Variants in PARP4 observed in about 807,000 individuals in gnomAD.
PARP4 encodes the protein poly(ADP-ribose) polymerase family member 4.
A neutral mutation model predicts 187.7 loss-of-function variants in PARP4; 120 were observed. That is an observed-to-expected ratio of 0.64 (90% CI 0.55 to 0.74). The LOEUF is 0.74. Ranked by LOEUF, PARP4 falls within the 30% of genes least tolerant of loss-of-function variation. PARP4 has a pLI of 0.00. For missense variants in PARP4, 1,836 were observed against 2,070.5 expected (o/e 0.89, Z 2.20); for synonymous variants, 654 against 740.9 (o/e 0.88, Z 1.90).
chr13:24,472,901 T>C (rs1343024926), intron 15 of PARP4, among the ~76,000 whole-genome samples: 1 of 150,038 alleles, frequency 6.7e-6, no homozygotes, highest in East Asian at 1.9e-4. Flanking sequence ...GTTTTTTTTT[T>C]TTTTTTTTTT....
chr13:24,499,663 A>G (rs577222266), intron 4 of PARP4, among the ~76,000 whole-genome samples: 1 of 152,312 alleles, frequency 6.6e-6, no homozygotes, highest in South Asian at 2.1e-4. Context: ...AGAGGCAGAA[A>G]GAAGTGGGCC....
chr13:24,490,188 T>G (rs762219467), intron 10 of PARP4, among the ~76,000 whole-genome samples: 25 of 152,146 alleles, frequency 1.6e-4, no homozygotes, highest in Non-Finnish European at 2.8e-4. Flanking sequence ...TCATGTTTGT[T>G]GTTACTGGAG....
In PARP4 at chr13:24,493,580, C is replaced by T. The variant is rs200721869; in HGVS notation, c.879+16G>A. On this transcript the variant is annotated intron_variant, in intron 8 of 33. Coordinates refer to ENST00000381989, the MANE Select transcript of PARP4 (RefSeq NM_006437.4). ...GCAGATTTTTCACATTCTGTTTCAG[C>T]GACACACCAACTTACATCGTTGAGG... 401 of 1,590,736 alleles carry T rather than the reference C, an allele frequency of 2.5e-4. 2 individuals are homozygous for T. Among genetic ancestry groups the T allele is most frequent in the Middle Eastern group, 3.3e-4 (2 of 5,982 alleles).
At chr13:24,511,404 T>A (rs1870012895) in intron 1 of PARP4, among the ~76,000 whole-genome samples, 1 of 152,194 alleles carries the variant, frequency 6.6e-6, no homozygotes, top group Admixed American at 6.5e-5. Flanking sequence ...GGTTATTCTC[T>A]AAGGCAAATC....
chr13:24,465,967 T>C (rs1872444146), intron 17 of PARP4, among the ~76,000 whole-genome samples: 1 of 152,222 alleles, frequency 6.6e-6, no homozygotes, highest in African/African-American at 2.4e-5. Context: ...CTGTATGTGG[T>C]AAGTTACAGA....
chr13:24,491,775 C>T (rs1159752592), intron 9 of PARP4, among the ~76,000 whole-genome samples: 1 of 152,224 alleles, frequency 6.6e-6, no homozygotes, highest in East Asian at 1.9e-4. Flanking sequence ...TTCTGAGCAG[C>T]CACAGTGGCT....
rs368985008 is a variant in PARP4, at chr13:24,493,759, C to T, written c.742-26G>A. 75 of 1,610,652 alleles carry T rather than the reference C, an allele frequency of 4.7e-5. No homozygotes were observed. In the African/African-American group the frequency reaches 8.2e-4, roughly 18 times the overall value. On this transcript the variant is annotated intron_variant, in intron 7 of 33. Transcript: ENST00000381989. ...CTACAATAATAAAATAGAAATGCCA[C>T]CAAAAAGTCATCATGTGTGAGTTTG...
intron 24 of PARP4, 48 bp downstream of exon 24, chr13:24,452,358 C>T (rs1402571882): frequency 8.8e-6 from 13 of 1,474,404 alleles, no homozygotes; most frequent in South Asian, 1.3e-5. Context: ...GGCAACAAGA[C>T]GACCTCCCCG....
chr13:24,425,161 C>T (rs1296118172), intron 33 of PARP4, among the ~76,000 whole-genome samples: 3 of 152,016 alleles, frequency 2.0e-5, no homozygotes, highest in Admixed American at 6.5e-5. Context: ...ATTAGCAGGG[C>T]GTGGTGGTGC....
chr13:24,422,179 G>A (rs1593578186), intron 33 of PARP4, among the ~76,000 whole-genome samples: 1 of 152,154 alleles, frequency 6.6e-6, no homozygotes, highest in East Asian at 1.9e-4. Context: ...TCAACACTGG[G>A]AATCTCAGTT....
At chr13:24,501,890 GA>G (rs1184576712) in intron 2 of PARP4, 56 bp from the exon 3 acceptor site, 1 of 1,019,964 alleles carries the variant, frequency 9.8e-7, no homozygotes, top group Non-Finnish European at 1.5e-6. Context: ...ATTTAAATAA[GA>G]TATTTGTATC....
chr13:24,475,334 G>C (rs1422556847), intron 15 of PARP4, 138 bp downstream of exon 15: 5 of 803,404 alleles, frequency 6.2e-6, no homozygotes, highest in Non-Finnish European at 1.0e-5. Context: ...CTGGCATGGA[G>C]TGCTCAGTGA....
At position 24,477,736 on chromosome 13, in the gene PARP4, T is replaced by G; in HGVS notation, c.1754A>C (p.Tyr585Ser). 23 of 1,591,450 alleles carry G rather than the reference T, an allele frequency of 1.4e-5. No homozygotes were observed. The highest frequency in any genetic ancestry group is 2.0e-5 in the Non-Finnish European group (23 of 1,167,966). ...HPSDHTELEE[Y>S]RPEFSNFSKV... ...TGAAAAATTTGAAAACTCAGGTCTGTATTCCTCTAATTCAGTATGATCACT... is the reference window on the plus strand; with the variant it reads ...TGAAAAATTTGAAAACTCAGGTCTGGATTCCTCTAATTCAGTATGATCACT... Residue 585 changes from tyrosine to serine, a missense_variant, in exon 14 of 34, where the codon TAC becomes TCC. By Grantham distance (144) the Tyr-to-Ser change is moderately radical. Coordinates refer to ENST00000381989, the MANE Select transcript of PARP4 (RefSeq NM_006437.4).
chr13:24,482,476 T>G (rs1412165006), intron 12 of PARP4, among the ~76,000 whole-genome samples: 1 of 152,242 alleles, frequency 6.6e-6, no homozygotes, highest in Non-Finnish European at 1.5e-5. Context: ...CATTGTTGTC[T>G]TATTTTAAGA....
At chr13:24,470,406 ATCAGC>A (rs1170807833) in intron 15 of PARP4, among the ~76,000 whole-genome samples, 1 of 152,008 alleles carries the variant, frequency 6.6e-6, no homozygotes, top group Non-Finnish European at 1.5e-5. Flanking sequence ...CTTCTATCCT[ATCAGC>A]TCTCAGGACT....
At chr13:24,501,979 C>A in intron 2 of PARP4, 145 bp from the exon 3 acceptor site, 1 of 592,456 alleles carries the variant, frequency 1.7e-6, no homozygotes, top group East Asian at 2.8e-5. Flanking sequence ...CTATAAATAT[C>A]ACAGTTTCTA....
intron 2 of PARP4, 124 bp downstream of exon 2, chr13:24,503,521 A>G (rs1869427503): frequency 8.5e-7 from 1 of 1,173,638 alleles, no homozygotes; most frequent in African/African-American, 1.5e-5. Flanking sequence ...GTCTCTCCTG[A>G]TGAACTTCGA....
intron 17 of PARP4, among the ~76,000 whole-genome samples, chr13:24,465,191 G>C (rs994344331): frequency 2.0e-5 from 3 of 152,164 alleles, no homozygotes; most frequent in South Asian, 4.1e-4. Flanking sequence ...CTGTTGGTGG[G>C]AGTGTAAATT....
At chr13:24,483,618 G>T (rs1873395629) in intron 12 of PARP4, among the ~76,000 whole-genome samples, 1 of 151,748 alleles carries the variant, frequency 6.6e-6, no homozygotes, top group Non-Finnish European at 1.5e-5. Context: ...CTACAGGTGT[G>T]TGCCACTGCA....
Sources: gnomAD v4.1 joint callset for allele counts (sites outside exome capture counted in the v4.1 genomes callset) on GRCh38, gnomAD v4.1.1 for gene constraint, MANE v1.5 for transcripts, NCBI Gene and HGNC (gene_info 2026-07-23, HGNC 2026-07-21) for gene names.